Variants in IMMP2L observed in about 807,000 individuals in gnomAD.
IMMP2L encodes the protein inner mitochondrial membrane peptidase subunit 2, also known as mitochondrial inner membrane protease subunit 2.
In IMMP2L, 18 loss-of-function variants were observed where a neutral mutation model predicts 19.3. The ratio of observed to expected loss-of-function variants is 0.93; its 90% CI spans 0.64 to 1.38. IMMP2L has a LOEUF of 1.38. Ranked by LOEUF, IMMP2L falls within the 40% of genes most tolerant of loss-of-function variation. The probability of loss-of-function intolerance (pLI) is 0.00; values close to 1 mark genes in which losing one functional copy is unlikely to be tolerated. For missense variants in IMMP2L, 233 were observed against 218.2 expected (o/e 1.07, Z -0.43); for synonymous variants, 76 against 73.0 (o/e 1.04, Z -0.21).
intron 2 of IMMP2L, among the ~76,000 whole-genome samples, chr7:111,510,913 T>A (rs1005182869): frequency 6.6e-6 from 1 of 152,106 alleles, no homozygotes; most frequent in Non-Finnish European, 1.5e-5. Context: ...CTCTCCTCTG[T>A]CTGCTCTAGT....
chr7:110,746,925 A>G (rs1752174293), intron 5 of IMMP2L, among the ~76,000 whole-genome samples: 2 of 152,210 alleles, frequency 1.3e-5, no homozygotes, highest in African/African-American at 4.8e-5. Context: ...AAGGAGACAG[A>G]GACACAAAAA....
chr7:111,058,524 G>C (rs1042142495), intron 3 of IMMP2L, among the ~76,000 whole-genome samples: 1 of 152,114 alleles, frequency 6.6e-6, no homozygotes. Flanking sequence ...CAATTAAAGA[G>C]AACAGGGTTC....
chr7:110,672,931 T>G (rs1047080632), intron 5 of IMMP2L, among the ~76,000 whole-genome samples: 2 of 152,176 alleles, frequency 1.3e-5, no homozygotes, highest in Non-Finnish European at 2.9e-5. Context: ...TGTCAGTGGA[T>G]CTACCATTTT....
chr7:111,321,693 A>G (rs942428577), intron 3 of IMMP2L, among the ~76,000 whole-genome samples: 2 of 151,938 alleles, frequency 1.3e-5, no homozygotes, highest in African/African-American at 4.8e-5. Flanking sequence ...GAAATCCTTT[A>G]AAATAGACAC....
chr7:111,238,320 C>G (rs1441849843), intron 3 of IMMP2L, among the ~76,000 whole-genome samples: 1 of 152,018 alleles, frequency 6.6e-6, no homozygotes, highest in East Asian at 1.9e-4. Flanking sequence ...GGTTTTAAAT[C>G]TCGGCTCCAC....
chr7:111,473,305 G>T (rs1271497493), intron 3 of IMMP2L, among the ~76,000 whole-genome samples: 1 of 152,054 alleles, frequency 6.6e-6, no homozygotes, highest in Non-Finnish European at 1.5e-5. Flanking sequence ...CATAACTGGA[G>T]TTAGTGTATT....
chr7:111,249,676 A>T (rs1045159203), intron 3 of IMMP2L, among the ~76,000 whole-genome samples: 3 of 152,234 alleles, frequency 2.0e-5, no homozygotes, highest in Non-Finnish European at 4.4e-5. Flanking sequence ...GATTATCTCA[A>T]CAGACCCAGA....
At chr7:111,397,386 G>GAGAATACATAAGGTAAGGAATATTGAAAA (rs1832985315) in intron 3 of IMMP2L, among the ~76,000 whole-genome samples, 1 of 152,072 alleles carries the variant, frequency 6.6e-6, no homozygotes, top group Non-Finnish European at 1.5e-5. Context: ...CTATTGGACA[G>GAGAATACATAAGGTAAGGAATATTGAAAA]TTACTACCAT....
At chr7:110,753,587 T>G (rs1797860943) in intron 5 of IMMP2L, among the ~76,000 whole-genome samples, 2 of 152,052 alleles carry the variant, frequency 1.3e-5, no homozygotes, top group Admixed American at 1.3e-4. Context: ...CATGCAGGAA[T>G]TGCAAATGTA....
intron 3 of IMMP2L, chr7:111,395,186 A>C (rs1187680261): frequency 1.3e-5 from 2 of 153,594 alleles, no homozygotes; most frequent in African/African-American, 4.8e-5. Flanking sequence ...AAAGGAGTCA[A>C]GAGTAGTCAG....
At chr7:110,743,255 A>G (rs1266348145) in intron 5 of IMMP2L, among the ~76,000 whole-genome samples, 4 of 152,184 alleles carry the variant, frequency 2.6e-5, no homozygotes, top group Non-Finnish European at 5.9e-5. Flanking sequence ...CAGATAGTCA[A>G]TTTGACTTCA....
intron 3 of IMMP2L, among the ~76,000 whole-genome samples, chr7:111,441,865 A>G (rs554387091): frequency 6.6e-6 from 1 of 151,918 alleles, no homozygotes; most frequent in Admixed American, 6.5e-5. Flanking sequence ...TAGTCCGGGC[A>G]CTGTGGCTCA....
chr7:111,263,886 A>G (rs1197020931), intron 3 of IMMP2L, among the ~76,000 whole-genome samples: 2 of 152,170 alleles, frequency 1.3e-5, no homozygotes, highest in Non-Finnish European at 2.9e-5. Context: ...AGTAAAGAAA[A>G]ACGAGGATTA....
At position 110,727,811 on chromosome 7, in the gene IMMP2L, G is replaced by T. The variant is rs761810768; in HGVS notation, c.409-64090C>A. 3.3e-5 allele frequency among the ~76,000 whole-genome samples: 5 copies of T among 152,150 alleles called. No homozygotes were observed. Among genetic ancestry groups the T allele is most frequent in the Non-Finnish European group, 4.4e-5 (3 of 68,006 alleles). ...GGGACTTACCTGAACTTATATCAAG[G>T]CGTAAGAAAAGAATTGCTTCACCGA... is the stretch of plus-strand genomic sequence containing the variant. On this transcript the variant is annotated intron_variant, in intron 5 of 5. Coordinates refer to ENST00000405709, the MANE Select transcript of IMMP2L (RefSeq NM_032549.4). The surrounding 1 kb of genome is among the most constrained non-coding windows in gnomAD (Gnocchi z 4.3).
chr7:111,446,264 A>C lies in IMMP2L; in HGVS notation c.239+40974T>G, dbSNP rs537471053. On this transcript the variant is annotated intron_variant, in intron 3 of 5. Transcript: ENST00000405709. Reference sequence around the variant, plus strand: ...CCACCTCTGGGGGCAGGGCACAGACAAACAAAAAGACAGCAGTAACCTCTG... The same window carrying C: ...CCACCTCTGGGGGCAGGGCACAGACCAACAAAAAGACAGCAGTAACCTCTG... 1.1e-4 allele frequency among the ~76,000 whole-genome samples: 17 copies of C among 151,634 alleles called. No homozygotes were observed. The South Asian group carries it at 3.5e-3, about 31-fold the overall frequency.
At chr7:110,841,458 C>A (rs1805075971) in intron 5 of IMMP2L, among the ~76,000 whole-genome samples, 1 of 152,004 alleles carries the variant, frequency 6.6e-6, no homozygotes, top group South Asian at 2.1e-4. Flanking sequence ...AGAATCATTT[C>A]TCTATAGATG....
At chr7:110,787,952 A>G (rs1800195772) in intron 5 of IMMP2L, among the ~76,000 whole-genome samples, 1 of 151,950 alleles carries the variant, frequency 6.6e-6, no homozygotes, top group Non-Finnish European at 1.5e-5. Context: ...ATATGAGGAA[A>G]GGGAGGGAAC....
intron 3 of IMMP2L, among the ~76,000 whole-genome samples, chr7:111,085,557 T>C (rs969078686): frequency 6.6e-6 from 1 of 152,222 alleles, no homozygotes; most frequent in Non-Finnish European, 1.5e-5. Flanking sequence ...TTGTGGTTTC[T>C]ATTTCCATTT....
At chr7:111,212,166 A>G (rs947469190) in intron 3 of IMMP2L, among the ~76,000 whole-genome samples, 1 of 151,508 alleles carries the variant, frequency 6.6e-6, no homozygotes, top group Non-Finnish European at 1.5e-5. Flanking sequence ...CTCTGTCTCT[A>G]TCTCTATCTC....
Sources: allele counts gnomAD v4.1 joint callset (sites outside exome capture counted in the v4.1 genomes callset), GRCh38; gene constraint gnomAD v4.1.1; non-coding constraint Gnocchi (gnomAD v3.1); transcripts MANE v1.5; gene names NCBI Gene and HGNC (gene_info 2026-07-23, HGNC 2026-07-21).